Variants in THADA observed in about 807,000 individuals in gnomAD.
The protein encoded by THADA is THADA armadillo repeat containing.
In THADA, 213 loss-of-function variants were observed where a neutral mutation model predicts 219.8. The observed-to-expected ratio is 0.97, with a 90% CI of 0.87 to 1.09. The LOEUF (loss-of-function observed/expected upper bound fraction) is 1.09. THADA is among the 50% of genes least tolerant of loss of function. The pLI, the probability that THADA is intolerant of heterozygous loss-of-function variation, is 0.00. For missense variants in THADA, 2,956 were observed against 2,311.3 expected (o/e 1.28, Z -5.72); for synonymous variants, 1,018 against 828.9 (o/e 1.23, Z -3.92).
chr2:43,235,422 T>C lies in THADA; in HGVS notation c.5297-2540A>G, dbSNP rs181219077. Among the ~76,000 whole-genome samples, 1,101 of 152,148 alleles carry C rather than the reference T, an allele frequency of 7.2e-3. 11 individuals carry two copies. The highest frequency in any genetic ancestry group is 0.026 in the African/African-American group (1,062 of 41,522). Reference sequence around the variant, plus strand: ...GATTCTCCTGCCTCAGCCTCCCAAGTAGCTGGGATTACAGGCATGCGCCAC... The same window carrying C: ...GATTCTCCTGCCTCAGCCTCCCAAGCAGCTGGGATTACAGGCATGCGCCAC... On this transcript the variant is annotated intron_variant, in intron 36 of 37. Coordinates refer to ENST00000405975, the MANE Select transcript of THADA (RefSeq NM_022065.5).
chr2:43,474,241 G>T (rs1179092004), intron 26 of THADA, among the ~76,000 whole-genome samples: 1 of 152,174 alleles, frequency 6.6e-6, no homozygotes. Flanking sequence ...AATGGAAGAA[G>T]AATTAAAGAG....
intron 26 of THADA, among the ~76,000 whole-genome samples, chr2:43,467,129 C>A (rs917793495): frequency 1.5e-5 from 2 of 136,768 alleles, no homozygotes; most frequent in African/African-American, 5.6e-5. Context: ...TTGCAGTGAG[C>A]CGAGATCGCG....
chr2:43,489,498 A>T (rs1362487921), intron 25 of THADA, among the ~76,000 whole-genome samples: 1 of 152,114 alleles, frequency 6.6e-6, no homozygotes, highest in Non-Finnish European at 1.5e-5. Context: ...CCTCTTCTAC[A>T]AGTTTTATAG....
chr2:43,557,132 T>A (rs1023907647), intron 16 of THADA, among the ~76,000 whole-genome samples: 2 of 152,164 alleles, frequency 1.3e-5, no homozygotes, highest in Non-Finnish European at 2.9e-5. Flanking sequence ...GCCTGGCATA[T>A]AATTGTAAGT....
chr2:43,377,500 G>A (rs1235515306), intron 29 of THADA, among the ~76,000 whole-genome samples: 1 of 152,172 alleles, frequency 6.6e-6, no homozygotes, highest in Non-Finnish European at 1.5e-5. Flanking sequence ...TAGATGAGGT[G>A]CAGTGACCCA....
intron 29 of THADA, among the ~76,000 whole-genome samples, chr2:43,377,906 T>C (rs907734682): frequency 6.6e-6 from 1 of 152,146 alleles, no homozygotes; most frequent in Non-Finnish European, 1.5e-5. Context: ...AAAGGCAGAA[T>C]TCACATTCCA....
At chr2:43,560,861 A>C (rs1402970659) in intron 15 of THADA, among the ~76,000 whole-genome samples, 1 of 151,956 alleles carries the variant, frequency 6.6e-6, no homozygotes, top group Non-Finnish European at 1.5e-5. Flanking sequence ...TACTAAAAAC[A>C]CAAAAATTAG....
At chr2:43,331,932 C>T (rs1307185276) in intron 30 of THADA, among the ~76,000 whole-genome samples, 2 of 152,018 alleles carry the variant, frequency 1.3e-5, no homozygotes, top group East Asian at 3.8e-4. Flanking sequence ...CACACACACA[C>T]ACACACACAC....
chr2:43,248,164 T>TATATATAGAGAGAG (rs1669412946), intron 36 of THADA, among the ~76,000 whole-genome samples: 3 of 40,950 alleles, frequency 7.3e-5, no homozygotes, highest in Non-Finnish European at 8.3e-5. Flanking sequence ...TATATATATA[T>TATATATAGAGAGAG]AGAGAGAGAG....
At chr2:43,441,443 A>C (rs1252147156) in intron 26 of THADA, among the ~76,000 whole-genome samples, 1 of 152,236 alleles carries the variant, frequency 6.6e-6, no homozygotes, top group Non-Finnish European at 1.5e-5. Flanking sequence ...ATGCAACATT[A>C]ACAATTCTTG....
In THADA at chr2:43,306,193, G is replaced by A. The variant is rs899601084; in HGVS notation, c.4439-12980C>T. Reference sequence around the variant, plus strand: ...GCCTGGCTAATTTTTTGTATTTTCTGTAGAGATGGGGTTTTGCCATGTTGC... The same window carrying A: ...GCCTGGCTAATTTTTTGTATTTTCTATAGAGATGGGGTTTTGCCATGTTGC... On this transcript the variant is annotated intron_variant, in intron 31 of 37. Transcript: ENST00000405975. Among the ~76,000 whole-genome samples, 5 of 152,054 alleles carry A rather than the reference G, an allele frequency of 3.3e-5. No individual in the cohort carries two copies. In the South Asian group the frequency reaches 6.2e-4, roughly 19 times the overall value.
intron 25 of THADA, among the ~76,000 whole-genome samples, chr2:43,485,623 T>C (rs895559478): frequency 6.6e-6 from 1 of 152,202 alleles, no homozygotes; most frequent in South Asian, 2.1e-4. Flanking sequence ...ATAACACTTT[T>C]CTAAAAATTC....
chr2:43,386,321 T>C (rs778023307), intron 29 of THADA, among the ~76,000 whole-genome samples: 5 of 152,050 alleles, frequency 3.3e-5, no homozygotes, highest in Non-Finnish European at 7.4e-5. Flanking sequence ...ATTTAACTTA[T>C]GTTTTTTTTT....
chr2:43,286,350 A>C (rs1347803155), intron 35 of THADA, among the ~76,000 whole-genome samples: 1 of 152,182 alleles, frequency 6.6e-6, no homozygotes, highest in Non-Finnish European at 1.5e-5. Flanking sequence ...CAAAGGTTTT[A>C]AATAGTGGAC....
At chr2:43,586,830 A>G in intron 5 of THADA, 24 bp downstream of exon 5, 1 of 1,611,784 alleles carries the variant, frequency 6.2e-7, no homozygotes, top group Admixed American at 1.7e-5. Flanking sequence ...AGCCAGAAAA[A>G]GGACTAGAAA....
intron 36 of THADA, chr2:43,233,449 G>A (rs539136609): frequency 6.6e-6 from 1 of 152,220 alleles, no homozygotes; most frequent in Non-Finnish European, 1.5e-5. Flanking sequence ...TTTATTTATG[G>A]ACACTGAAAT....
chr2:43,475,084 A>C (rs1685354095), intron 26 of THADA, among the ~76,000 whole-genome samples: 1 of 152,204 alleles, frequency 6.6e-6, no homozygotes. Flanking sequence ...ACATCAAAAC[A>C]CTTGGTTCAT....
intron 22 of THADA, among the ~76,000 whole-genome samples, chr2:43,520,968 GAAGGGAGGGAGGAAGGGAGGA>G (rs1391531572): frequency 1.6e-5 from 2 of 125,344 alleles, no homozygotes; most frequent in African/African-American, 3.1e-5. Flanking sequence ...AGGAAGGGAG[GAAGGGAGGGAGGAAGGGAGGA>G]AAGGGAGGAA....
At chr2:43,485,635 T>G (rs1229736791) in intron 25 of THADA, among the ~76,000 whole-genome samples, 1 of 152,172 alleles carries the variant, frequency 6.6e-6, no homozygotes, top group Non-Finnish European at 1.5e-5. Context: ...TAAAAATTCA[T>G]TTTTCTATAT....
Sources: gnomAD v4.1 joint callset for allele counts (sites outside exome capture counted in the v4.1 genomes callset) on GRCh38, gnomAD v4.1.1 for gene constraint, MANE v1.5 for transcripts, NCBI Gene and HGNC (gene_info 2026-07-23, HGNC 2026-07-21) for gene names.